RAPGEF2: variants seen among roughly 807,000 people sequenced by gnomAD.
RAPGEF2 encodes PDZ domain containing guanine nucleotide exchange factor (GEF) 1.
A neutral mutation model predicts 186.7 loss-of-function variants in RAPGEF2; 54 were observed. The ratio of observed to expected loss-of-function variants is 0.29; its 90% confidence interval spans 0.23 to 0.36. RAPGEF2 has a LOEUF of 0.36. Ranked by LOEUF, RAPGEF2 falls within the 10% of genes least tolerant of loss-of-function variation. The pLI, the probability that RAPGEF2 is intolerant of heterozygous loss-of-function variation, is 1.00. For synonymous variants in RAPGEF2, 712 were observed against 705.9 expected (o/e 1.01, Z -0.14); for missense variants, 1,532 against 2,045.0 (o/e 0.75, Z 4.84).
chr4:159,276,029 C>T (rs1038852685), intron 7 of RAPGEF2, among the ~76,000 whole-genome samples: 2 of 152,048 alleles, frequency 1.3e-5, no homozygotes, highest in Non-Finnish European at 2.9e-5. Context: ...AATAAAGGTA[C>T]TATAGTAATT....
chr4:159,319,135 CAG>C lies in RAPGEF2; in HGVS notation c.854-3209_854-3208del, dbSNP rs566452978. Among the ~76,000 whole-genome samples, 170 of 150,998 alleles carry C rather than the reference CAG, an allele frequency of 1.1e-3. 1 individual carries two copies. In the Middle Eastern group the frequency reaches 0.014, roughly 12 times the overall value. The stretch of plus-strand genomic sequence containing the variant: ...GTCTGTATGATACCTATGGCATTGT[CAG>C]AGTTTTGAGCCCCCTGTAGCAGGAG... On this transcript the variant is annotated intron_variant, in intron 9 of 29. Coordinates refer to ENST00000691494, the MANE Select transcript of RAPGEF2 (RefSeq NM_001394067.2).
intron 1 of RAPGEF2, among the ~76,000 whole-genome samples, chr4:159,141,555 G>A (rs937808836): frequency 2.0e-5 from 3 of 151,764 alleles, no homozygotes; most frequent in Non-Finnish European, 2.9e-5. Flanking sequence ...TTAGGTCCCT[G>A]GTAGTGGAAT....
intron 1 of RAPGEF2, among the ~76,000 whole-genome samples, chr4:159,159,800 G>C (rs1005772694): frequency 1.3e-5 from 2 of 152,180 alleles, no homozygotes; most frequent in African/African-American, 2.4e-5. Flanking sequence ...TTCTCAACTC[G>C]TATAGCAGCA....
At position 159,208,829 on chromosome 4, in the gene RAPGEF2, C is replaced by T. The variant is rs539415355; in HGVS notation, c.198-1671C>T. Among the ~76,000 whole-genome samples, 4 of 151,864 alleles carry T rather than the reference C, an allele frequency of 2.6e-5. No homozygotes were observed. In the South Asian group the frequency reaches 6.2e-4, roughly 24 times the overall value. ...ACTGGGAGAAAAGATATTCACAGCTCATGTTTTCAGAAGGCCAATTTTTAT... is the reference window on the plus strand; with the variant it reads ...ACTGGGAGAAAAGATATTCACAGCTTATGTTTTCAGAAGGCCAATTTTTAT... On this transcript the variant is annotated intron_variant, in intron 3 of 29. Coordinates refer to ENST00000691494, the MANE Select transcript of RAPGEF2 (RefSeq NM_001394067.2).
rs146238397 is a variant in RAPGEF2, at chr4:159,260,690, TG to T, written c.543+16901del. 3.0e-3 allele frequency among the ~76,000 whole-genome samples: 452 copies of T among 152,320 alleles called. 3 individuals carry two copies. Among genetic ancestry groups the T allele is most frequent in the African/African-American group, 9.8e-3 (408 of 41,572 alleles). On this transcript the variant is annotated intron_variant, in intron 7 of 29. Coordinates refer to ENST00000691494, the MANE Select transcript of RAPGEF2 (RefSeq NM_001394067.2). ...AGTGTCAAATTTGTATCCCAGTGCC[TG>T]GTACAAAGTAAGAACTTAGTAAATC...
intron 4 of RAPGEF2, among the ~76,000 whole-genome samples, chr4:159,227,948 G>A (rs897196989): frequency 2.0e-5 from 3 of 152,178 alleles, no homozygotes; most frequent in South Asian, 4.1e-4. Flanking sequence ...TAACAAAATT[G>A]TATTGCCAGC....
In RAPGEF2 at chr4:159,144,778, T is replaced by C. The variant is rs548520899; in HGVS notation, c.69+40547T>C. ...ACATCTTTGATGGGTCTAGGAATTA[T>C]AGAGAAAGCATAGCTCTAACCTTTT... On this transcript the variant is annotated intron_variant, in intron 1 of 29. Transcript: ENST00000691494. 4.6e-5 allele frequency among the ~76,000 whole-genome samples: 7 copies of C among 152,234 alleles called. No homozygotes were observed. In the East Asian group the frequency reaches 1.3e-3, roughly 29 times the overall value.
chr4:159,301,331 C>T (rs1393326604), intron 7 of RAPGEF2, among the ~76,000 whole-genome samples: 2 of 152,062 alleles, frequency 1.3e-5, no homozygotes, highest in Non-Finnish European at 2.9e-5. Context: ...GATTGTGCCA[C>T]CCACACCCCA....
At chr4:159,186,749 TAAAAATTTGA>T (rs1340928294) in intron 2 of RAPGEF2, 37 bp downstream of exon 2, 28 of 1,205,156 alleles carry the variant, frequency 2.3e-5, no homozygotes, top group Non-Finnish European at 3.0e-5. Context: ...CATAGAATGG[TAAAAATTTGA>T]AGCATGTAAC....
chr4:159,339,620 C>T lies in RAPGEF2; in HGVS notation c.2534+266C>T, dbSNP rs556345991. ...AAGGTTGTTACTGACTTCCAAAATG[C>T]GTGCTGTAACTTCTCATGCTTGCCT... On this transcript the variant is annotated intron_variant, in intron 19 of 29. Coordinates refer to ENST00000691494, the MANE Select transcript of RAPGEF2 (RefSeq NM_001394067.2). Among the ~76,000 whole-genome samples, 6 of 152,226 alleles carry T rather than the reference C, an allele frequency of 3.9e-5. No homozygotes were observed. The East Asian group carries it at 9.6e-4, about 24-fold the overall frequency.
At chr4:159,134,134 G>A (rs1383425105) in intron 1 of RAPGEF2, among the ~76,000 whole-genome samples, 2 of 152,132 alleles carry the variant, frequency 1.3e-5, no homozygotes, top group Non-Finnish European at 2.9e-5. Flanking sequence ...TTTGTAGGCA[G>A]TCCTCTCCGT....
intron 24 of RAPGEF2, 23 bp from the exon 25 acceptor site, chr4:159,346,766 T>A: frequency 6.2e-7 from 1 of 1,602,350 alleles, no homozygotes; most frequent in Non-Finnish European, 8.5e-7. Context: ...TTTGTTCTAT[T>A]TTCAAACCCA....
At chr4:159,323,878 C>A (rs1214327575) in intron 11 of RAPGEF2, among the ~76,000 whole-genome samples, 3 of 151,496 alleles carry the variant, frequency 2.0e-5, no homozygotes, top group South Asian at 2.1e-4. Context: ...GCCACCACAC[C>A]CACCTAATTT....
Position 159,141,279 on chromosome 4 carries a change from A to G in RAPGEF2, c.69+37048A>G, listed in dbSNP as rs1742297917. On this transcript the variant is annotated intron_variant, in intron 1 of 29. Transcript: ENST00000691494. The stretch of plus-strand genomic sequence containing the variant: ...TAGATATATTTTGTAAGTTAAACAA[A>G]TGCCCAGACTGGGCAGTCGTTTCAT... Among the ~76,000 whole-genome samples, 3 of 152,310 alleles carry G rather than the reference A, an allele frequency of 2.0e-5. No homozygotes were observed. In the South Asian group the frequency reaches 6.2e-4, roughly 32 times the overall value.
intron 1 of RAPGEF2, among the ~76,000 whole-genome samples, chr4:159,167,230 G>C (rs540174630): frequency 2.4e-4 from 37 of 152,340 alleles, no homozygotes; most frequent in African/African-American, 7.9e-4. Flanking sequence ...GCAGGCACCA[G>C]AAGTAGAGAA....
intron 8 of RAPGEF2, among the ~76,000 whole-genome samples, chr4:159,306,599 C>G (rs966492920): frequency 6.6e-6 from 1 of 152,078 alleles, no homozygotes; most frequent in Non-Finnish European, 1.5e-5. Context: ...TTCACTTCCA[C>G]TTTTCCAGTT....
chr4:159,202,762 T>A (rs1017731505), intron 3 of RAPGEF2, among the ~76,000 whole-genome samples: 12 of 152,030 alleles, frequency 7.9e-5, no homozygotes, highest in African/African-American at 2.9e-4. Context: ...CCACCATGCC[T>A]GGCTAATTTT....
intron 1 of RAPGEF2, among the ~76,000 whole-genome samples, chr4:159,149,518 A>G (rs1189356731): frequency 6.6e-6 from 1 of 152,136 alleles, no homozygotes; most frequent in African/African-American, 2.4e-5. Context: ...TGACCTCCCA[A>G]AGTGCTGGGA....
At chr4:159,181,743 G>A (rs960923191) in intron 1 of RAPGEF2, among the ~76,000 whole-genome samples, 1 of 152,050 alleles carries the variant, frequency 6.6e-6, no homozygotes, top group Non-Finnish European at 1.5e-5. Context: ...CACCATGTTG[G>A]CCAGGGTGGT....
Sources: allele counts gnomAD v4.1 joint callset (sites outside exome capture counted in the v4.1 genomes callset), GRCh38; gene constraint gnomAD v4.1.1; transcripts MANE v1.5; gene names NCBI Gene and HGNC (gene_info 2026-07-23, HGNC 2026-07-21).